The following QRSL1 variants were observed in gnomAD, a reference collection of about 807,000 sequenced individuals.
The protein encoded by QRSL1 is glutaminyl-tRNA amidotransferase subunit QRSL1, also known as glutamyl-tRNA(Gln) amidotransferase subunit A, mitochondrial.
A neutral mutation model predicts 61.6 loss-of-function variants in QRSL1; 54 were observed. The observed-to-expected ratio is 0.88, with a 90% CI of 0.70 to 1.10. The LOEUF is 1.10. Ranked by LOEUF, QRSL1 falls within the 50% of genes least tolerant of loss-of-function variation. QRSL1 has a pLI of 0.00. For missense variants in QRSL1, 505 were observed against 622.6 expected, an observed-to-expected ratio of 0.81 and a Z score of 2.01; for synonymous variants, 228 against 225.7, an observed-to-expected ratio of 1.01 and a Z score of -0.09.
chr6:106,664,587 A>C (rs375259097), intron 10 of QRSL1, among the ~76,000 whole-genome samples: 3 of 152,252 alleles, frequency 2.0e-5, no homozygotes, highest in South Asian at 4.1e-4. Context: ...AAAAATGTTA[A>C]GAGCCCAGTC....
At chr6:106,665,396 C>A (rs1421750258) in intron 10 of QRSL1, among the ~76,000 whole-genome samples, 1 of 152,162 alleles carries the variant, frequency 6.6e-6, no homozygotes, top group Non-Finnish European at 1.5e-5. Context: ...ATCTCCTCCT[C>A]ATCTAAGAAG....
chr6:106,640,272 TC>T, intron 1 of QRSL1, 76 bp from the exon 2 acceptor site: 7 of 1,342,358 alleles, frequency 5.2e-6, no homozygotes, highest in East Asian at 2.3e-5. Flanking sequence ...CCACTCCATC[TC>T]CCCCCACCCC....
intron 9 of QRSL1, among the ~76,000 whole-genome samples, chr6:106,656,630 T>G (rs1178322108): frequency 6.6e-6 from 1 of 152,252 alleles, no homozygotes; most frequent in Non-Finnish European, 1.5e-5. Context: ...TTTATTCATC[T>G]GCGTATCCTC....
At position 106,665,757 on chromosome 6, in the gene QRSL1, C is replaced by T. The variant is rs771350581; in HGVS notation, c.1367-25C>T. 9 of 1,592,850 alleles carry T rather than the reference C, an allele frequency of 5.7e-6. No homozygotes were observed. The South Asian group carries it at 8.8e-5, about 16-fold the overall frequency. ...CTAATTAGGGTGGAGAATTAATCAC[C>T]TACTGGGTTTCCTTCTTTTCCCAGG... On this transcript the variant is annotated intron_variant, in intron 10 of 10. Transcript: ENST00000369046.
At chr6:106,651,355 T>C (rs558505869) in intron 5 of QRSL1, among the ~76,000 whole-genome samples, 1 of 152,266 alleles carries the variant, frequency 6.6e-6, no homozygotes, top group South Asian at 2.1e-4. Context: ...TAATAAAAAC[T>C]TTTTGGTTAT....
intron 8 of QRSL1, among the ~76,000 whole-genome samples, chr6:106,655,255 C>G (rs748469462): frequency 1.6e-4 from 25 of 152,104 alleles, no homozygotes; most frequent in Non-Finnish European, 3.2e-4. Flanking sequence ...TGGTTCTTTT[C>G]TTTTCTTCTC....
chr6:106,664,159 A>C (rs1159968931), intron 10 of QRSL1, among the ~76,000 whole-genome samples: 1 of 152,206 alleles, frequency 6.6e-6, no homozygotes, highest in Non-Finnish European at 1.5e-5. Flanking sequence ...TTCTACCAAA[A>C]GTGTCTTTTA....
chr6:106,635,532 G>A (rs1213868066), intron 1 of QRSL1, among the ~76,000 whole-genome samples: 1 of 152,174 alleles, frequency 6.6e-6, no homozygotes, highest in South Asian at 2.1e-4. Context: ...CAGCCCTCAA[G>A]AGCTCTCCTG....
At chr6:106,640,258 T>A in intron 1 of QRSL1, 91 bp from the exon 2 acceptor site, 4 of 1,157,710 alleles carry the variant, frequency 3.5e-6, no homozygotes, top group Non-Finnish European at 5.1e-6. Context: ...AATGTTATAC[T>A]TAGCCACTCC....
At chr6:106,661,942 C>T (rs1232115728) in intron 9 of QRSL1, among the ~76,000 whole-genome samples, 3 of 151,538 alleles carry the variant, frequency 2.0e-5, no homozygotes, top group Non-Finnish European at 2.9e-5. Flanking sequence ...AACTCTCAGC[C>T]GCAGGTGATC....
At position 106,652,320 on chromosome 6, in the gene QRSL1, G is replaced by C. The variant is rs899120471; in HGVS notation, c.669G>C (p.Leu223=). 3 of 1,614,050 alleles carry C rather than the reference G, an allele frequency of 1.9e-6. No individual in the cohort carries two copies. Among genetic ancestry groups the C allele is most frequent in the Non-Finnish European group, 2.5e-6 (3 of 1,180,038 alleles). Reference sequence around the variant, plus strand: ...TTTCCCGTCATGGTCTCATTCCCCTGGTGAATTCGATGGATGTGCCAGGAA... The same window carrying C: ...TTTCCCGTCATGGTCTCATTCCCCTCGTGAATTCGATGGATGTGCCAGGAA... The part of the protein sequence containing the change: ...GLVSRHGLIP[L]VNSMDVPGIL... Residue 223 remains leucine (L), a synonymous_variant, in exon 6 of 11, where the codon CTG becomes CTC. Coordinates refer to ENST00000369046, the MANE Select transcript of QRSL1 (RefSeq NM_018292.5).
Position 106,631,982 on chromosome 6 carries a change from A to G in QRSL1, c.24+2277A>G, listed in dbSNP as rs531725504. On this transcript the variant is annotated intron_variant, in intron 1 of 10. Coordinates refer to ENST00000369046, the MANE Select transcript of QRSL1 (RefSeq NM_018292.5). The stretch of plus-strand genomic sequence containing the variant: ...CCTACTACTACCCTTTCAGGCCTCT[A>G]GTAACCATCATTCTACTCTACCTCC... 7.9e-5 allele frequency among the ~76,000 whole-genome samples: 12 copies of G among 152,274 alleles called. No homozygotes were observed. In the South Asian group the frequency reaches 2.5e-3, roughly 32 times the overall value.
At chr6:106,636,741 GACAA>G (rs1230920208) in intron 1 of QRSL1, among the ~76,000 whole-genome samples, 5 of 152,186 alleles carry the variant, frequency 3.3e-5, no homozygotes, top group Admixed American at 3.3e-4. Context: ...AAGCACTGAG[GACAA>G]TGTCTAGAAC....
intron 1 of QRSL1, among the ~76,000 whole-genome samples, chr6:106,633,101 G>A (rs952509661): frequency 6.6e-6 from 1 of 152,192 alleles, no homozygotes; most frequent in Non-Finnish European, 1.5e-5. Context: ...GAACTATTTA[G>A]GAGAGCTGAC....
chr6:106,631,736 T>A (rs1394723745), intron 1 of QRSL1, among the ~76,000 whole-genome samples: 1 of 152,234 alleles, frequency 6.6e-6, no homozygotes. Flanking sequence ...GATACAGGCA[T>A]ACAATGCATA....
In QRSL1 at chr6:106,666,105, A is replaced by C; in HGVS notation, c.*103A>C. 8.9e-6 allele frequency: 8 copies of C among 901,492 alleles called. No homozygotes were observed. The highest frequency in any genetic ancestry group is 5.0e-5 in the African/African-American group (3 of 60,250). 55.8% of individuals were successfully genotyped at this position (901,492 alleles called of 1,614,324 possible). A position where few individuals can be genotyped will look rare whatever the true frequency, so the allele number is the denominator to read the frequency against. On this transcript the variant is annotated 3_prime_UTR_variant, in exon 11 of 11. Coordinates refer to ENST00000369046, the MANE Select transcript of QRSL1 (RefSeq NM_018292.5). ...AAGGCGAGCGGATCATGAGGTCAGA[A>C]GATCTAGAACAGCCTGGTCAACATG...
Position 106,667,073 on chromosome 6 carries a change from C to A in QRSL1, c.*1071C>A, listed in dbSNP as rs1414613302. The stretch of plus-strand genomic sequence containing the variant: ...TCACAAATGAGCTCATTAATGTCAT[C>A]GAAACATTTATTGTAACCTAACAGA... On this transcript the variant is annotated 3_prime_UTR_variant, in exon 11 of 11. Coordinates refer to ENST00000369046, the MANE Select transcript of QRSL1 (RefSeq NM_018292.5). The A allele has an allele frequency of 2.0e-5, 3 of 152,246 alleles. No individual in the cohort carries two copies. The highest frequency in any genetic ancestry group is 3.9e-4 in the East Asian group (2 of 5,190). The allele number at this position is 152,246 out of a possible 1,614,324, so 9.4% of individuals were successfully genotyped here.
Position 106,632,309 on chromosome 6 carries a change from T to C in QRSL1, c.24+2604T>C, listed in dbSNP as rs546775052. 2.6e-5 allele frequency among the ~76,000 whole-genome samples: 4 copies of C among 152,358 alleles called. No individual in the cohort carries two copies. In the South Asian group the frequency reaches 8.3e-4, roughly 32 times the overall value. On this transcript the variant is annotated intron_variant, in intron 1 of 10. Transcript: ENST00000369046. ...ATGTCTTTGCTATGTTGATTTTCTTTCTTTTAGGTGCATATATACGTAGCA... is the reference window on the plus strand; with the variant it reads ...ATGTCTTTGCTATGTTGATTTTCTTCCTTTTAGGTGCATATATACGTAGCA...
chr6:106,647,889 T>A (rs572021415), intron 4 of QRSL1, among the ~76,000 whole-genome samples: 11 of 150,356 alleles, frequency 7.3e-5, no homozygotes, highest in African/African-American at 2.7e-4. Context: ...TGACCTCGTG[T>A]TCCGCCCTCC....
Sources: allele counts gnomAD v4.1 joint callset (sites outside exome capture counted in the v4.1 genomes callset), GRCh38; gene constraint gnomAD v4.1.1; transcripts MANE v1.5; gene names NCBI Gene and HGNC (gene_info 2026-07-23, HGNC 2026-07-21).